The following NUDT3 variants were observed in gnomAD, a reference collection of about 807,000 sequenced individuals.
NUDT3 encodes the protein nudix hydrolase 3.
In NUDT3, 9 loss-of-function variants were observed where a neutral mutation model predicts 23.6. The ratio of observed to expected loss-of-function variants is 0.38; its 90% CI spans 0.23 to 0.66. The LOEUF is 0.66. NUDT3 is among the 30% of genes least tolerant of loss of function. The pLI, the probability that NUDT3 is intolerant of heterozygous loss-of-function variation, is 0.52. For missense variants in NUDT3, 172 were observed against 218.5 expected, an observed-to-expected ratio of 0.79 and a Z score of 1.34; for synonymous variants, 86 against 82.6, an observed-to-expected ratio of 1.04 and a Z score of -0.22.
At chr6:34,288,965 G>C in intron 4 of NUDT3, 34 bp from the exon 5 acceptor site, 3 of 1,547,306 alleles carry the variant, frequency 1.9e-6, no homozygotes, top group Non-Finnish European at 2.6e-6. Flanking sequence ...ACTAGTACAA[G>C]AGTAATAAGG....
intron 2 of NUDT3, among the ~76,000 whole-genome samples, chr6:34,335,334 G>T (rs1764193207): frequency 6.6e-6 from 1 of 152,022 alleles, no homozygotes; most frequent in African/African-American, 2.4e-5. Flanking sequence ...TTAATAGGAA[G>T]GCTCAGTTTC....
chr6:34,296,328 C>T (rs1763498775), intron 2 of NUDT3, among the ~76,000 whole-genome samples: 1 of 151,898 alleles, frequency 6.6e-6, no homozygotes, highest in Admixed American at 6.6e-5. Flanking sequence ...AATCCCAGCA[C>T]TTTGGGAAGC....
At position 34,284,657 on chromosome 6, in the gene NUDT3, AC is replaced by A. The variant is rs1199263090; in HGVS notation, c.*4095del. On this transcript the variant is annotated 3_prime_UTR_variant, in exon 5 of 5. Coordinates refer to ENST00000607016, the MANE Select transcript of NUDT3 (RefSeq NM_006703.4). The stretch of plus-strand genomic sequence containing the variant: ...AAATGTACACTCAGGTCTAACAAAT[AC>A]CTATTATTTCTCTGGTTAAGAAGGT... The A allele has an allele frequency of 6.6e-6, 1 of 151,960 alleles. No homozygotes were observed. The highest frequency in any genetic ancestry group is 1.5e-5 in the Non-Finnish European group (1 of 68,018). 9.4% of individuals were successfully genotyped at this position (151,960 alleles called of 1,614,324 possible). A position where few individuals can be genotyped will look rare whatever the true frequency, so the allele number is the denominator to read the frequency against.
chr6:34,293,422 C>T, intron 4 of NUDT3, 29 bp downstream of exon 4: 5 of 1,613,680 alleles, frequency 3.1e-6, no homozygotes, highest in Non-Finnish European at 4.2e-6. Context: ...TGTGAGGAAC[C>T]CTTTCCAGGC....
At chr6:34,338,103 C>T (rs1022015580) in intron 2 of NUDT3, among the ~76,000 whole-genome samples, 2 of 152,226 alleles carry the variant, frequency 1.3e-5, no homozygotes, top group Non-Finnish European at 2.9e-5. Flanking sequence ...ACAATCATAC[C>T]TGCCCTTCAG....
intron 1 of NUDT3, among the ~76,000 whole-genome samples, chr6:34,364,618 A>G (rs575293459): frequency 7.3e-4 from 111 of 152,338 alleles, no homozygotes; most frequent in Non-Finnish European, 1.3e-3. Flanking sequence ...CTTTACCTTG[A>G]TAAGTGAAGC....
chr6:34,334,514 C>T (rs1471820986), intron 2 of NUDT3, among the ~76,000 whole-genome samples: 1 of 152,012 alleles, frequency 6.6e-6, no homozygotes, highest in Non-Finnish European at 1.5e-5. Flanking sequence ...TAGTGCACAC[C>T]TATAATCCCA....
intron 2 of NUDT3, among the ~76,000 whole-genome samples, chr6:34,326,938 A>ACGAGAGAGAGAT (rs1581867703): frequency 1.3e-5 from 2 of 152,124 alleles, no homozygotes; most frequent in East Asian, 3.9e-4. Flanking sequence ...GTGTGTGGAG[A>ACGAGAGAGAGAT]CGAGAGAGAG....
intron 1 of NUDT3, among the ~76,000 whole-genome samples, chr6:34,390,916 T>C (rs1185578244): frequency 1.3e-5 from 2 of 152,194 alleles, no homozygotes; most frequent in Non-Finnish European, 1.5e-5. Context: ...CAAAACAGTA[T>C]ATAATTTACA....
chr6:34,352,528 A>G (rs1428679019), intron 1 of NUDT3, among the ~76,000 whole-genome samples: 3 of 152,190 alleles, frequency 2.0e-5, no homozygotes, highest in Non-Finnish European at 2.9e-5. Flanking sequence ...CATGAATTGC[A>G]TAACTTTCCC....
chr6:34,381,434 A>C (rs1225739108), intron 1 of NUDT3, among the ~76,000 whole-genome samples: 1 of 152,138 alleles, frequency 6.6e-6, no homozygotes, highest in South Asian at 2.1e-4. Context: ...GTAACCAAAA[A>C]TAATAATTCC....
rs1764503343 is a variant in NUDT3 at position 34,353,143 on chromosome 6, T to G, written c.100-11171A>C. ...CATATGAGTATAAACAAATACATAT[T>G]TATTCTTTTCTTTCCCCTTTGTCAA... is the stretch of plus-strand genomic sequence containing the variant. On this transcript the variant is annotated intron_variant, in intron 1 of 4. Transcript: ENST00000607016. 3.3e-5 allele frequency among the ~76,000 whole-genome samples: 5 copies of G among 152,308 alleles called. No homozygotes were observed. In the South Asian group the frequency reaches 1.0e-3, roughly 32 times the overall value.
chr6:34,324,895 T>A (rs2113720786), intron 2 of NUDT3, among the ~76,000 whole-genome samples: 1 of 152,274 alleles, frequency 6.6e-6, no homozygotes, highest in Non-Finnish European at 1.5e-5. Flanking sequence ...AATATGGCTG[T>A]GGGGCCAGTG....
Position 34,287,313 on chromosome 6 carries a change from G to A in NUDT3, c.*1440C>T, listed in dbSNP as rs912907752. ...GAGATAATCTCCTGTCTTAAGCCAC[G>A]GATCAGTCAGTGTAGCCCTCCCTAC... On this transcript the variant is annotated 3_prime_UTR_variant, in exon 5 of 5. Transcript: ENST00000607016. 5 of 152,158 alleles carry A rather than the reference G, an allele frequency of 3.3e-5. No individual in the cohort carries two copies. Among genetic ancestry groups the A allele is most frequent in the Admixed American group, 1.3e-4 (2 of 15,260 alleles). The allele number at this position is 152,158 out of a possible 1,614,324, so 9.4% of individuals were successfully genotyped here.
rs886411269 is a variant in NUDT3, at chr6:34,287,242, T to C, written c.*1511A>G. ...TAGAATTTTTAAATGAGGCGAACTATGATTTTAATTTCACATCTTGGCTAA... is the reference window on the plus strand; with the variant it reads ...TAGAATTTTTAAATGAGGCGAACTACGATTTTAATTTCACATCTTGGCTAA... On this transcript the variant is annotated 3_prime_UTR_variant, in exon 5 of 5. Transcript: ENST00000607016. The C allele has an allele frequency of 6.6e-6, 1 of 152,212 alleles. No homozygotes were observed. Among genetic ancestry groups the C allele is most frequent in the Non-Finnish European group, 1.5e-5 (1 of 68,042 alleles). 9.4% of individuals were successfully genotyped at this position (152,212 alleles called of 1,614,324 possible).
chr6:34,302,581 A>C (rs145219292), intron 2 of NUDT3, among the ~76,000 whole-genome samples: 14,569 of 152,042 alleles, frequency 0.096, 806 homozygotes, highest in Non-Finnish European at 0.12. Flanking sequence ...AAATACAAAA[A>C]ATTAGCCGAG....
In NUDT3 at chr6:34,330,327, T is replaced by C. The variant is rs112101100; in HGVS notation, c.210+11535A>G. On this transcript the variant is annotated intron_variant, in intron 2 of 4. Coordinates refer to ENST00000607016, the MANE Select transcript of NUDT3 (RefSeq NM_006703.4). ...CTAGTACCTGTTGTTTCCTGACTTT[T>C]TGATGATCGCCATTCTAACTGGTGT... Among the ~76,000 whole-genome samples the C allele has an allele frequency of 2.3e-3, 355 of 152,330 alleles. 1 individual carries two copies. Among genetic ancestry groups the C allele is most frequent in the Admixed American group, 5.0e-3 (76 of 15,292 alleles).
At chr6:34,371,160 G>A (rs1561921656) in intron 1 of NUDT3, among the ~76,000 whole-genome samples, 1 of 150,124 alleles carries the variant, frequency 6.7e-6, no homozygotes, top group African/African-American at 2.5e-5. Flanking sequence ...TCTTTAAAAA[G>A]CAACTTTATG....
intron 1 of NUDT3, among the ~76,000 whole-genome samples, chr6:34,376,881 A>G (rs1581899681): frequency 6.6e-6 from 1 of 150,984 alleles, no homozygotes; most frequent in African/African-American, 2.4e-5. Flanking sequence ...ACCCCTTATC[A>G]CTCCCCATCA....
Sources: allele counts gnomAD v4.1 joint callset (sites outside exome capture counted in the v4.1 genomes callset), GRCh38; gene constraint gnomAD v4.1.1; transcripts MANE v1.5; gene names NCBI Gene and HGNC (gene_info 2026-07-23, HGNC 2026-07-21).